Variants in MEPE observed in about 807,000 individuals in gnomAD.
MEPE encodes the protein matrix, extracellular phosphoglycoprotein with ASARM motif (bone).
In MEPE, 7 loss-of-function variants were observed where a neutral mutation model predicts 7.3. The observed-to-expected ratio is 0.95, with a 90% confidence interval of 0.54 to 1.79. The LOEUF (loss-of-function observed/expected upper bound fraction) is 1.79. Ranked by LOEUF, MEPE falls within the 40% of genes most tolerant of loss-of-function variation. The pLI is 0.00. For synonymous variants in MEPE, 214 were observed against 213.1 expected (o/e 1.00, Z -0.04); for missense variants, 623 against 628.2 (o/e 0.99, Z 0.09).
chr4:87,824,099 T>G (rs1234160890), intron 1 of MEPE, among the ~76,000 whole-genome samples: 1 of 152,206 alleles, frequency 6.6e-6, no homozygotes, highest in Non-Finnish European at 1.5e-5. Context: ...TCATCTTATC[T>G]CTTTTTAAAA....
chr4:87,845,940 G>A lies in MEPE; in HGVS notation c.1072G>A (p.Val358Met), dbSNP rs754794918. ...GCTCCCTGGAAGAGAAGGAAACAGA[G>A]TGGATGCTGGCAGCCAAAATGCTCA... ...KELPGREGNR[V>M]DAGSQNAHQG... Residue 358 changes from valine (V) to methionine (M), a missense_variant, in exon 4 of 4, where the codon GTG (valine) becomes ATG (methionine). Transcript: ENST00000361056. The A allele has an allele frequency of 6.2e-7, 1 of 1,614,020 alleles. No homozygotes were observed. The highest frequency in any genetic ancestry group is 1.1e-5 in the South Asian group (1 of 91,076).
At chr4:87,839,939 T>G (rs1722951443) in intron 3 of MEPE, 1 of 1,535,878 alleles carries the variant, frequency 6.5e-7, no homozygotes. Context: ...TCCTCAAGCC[T>G]CTCTACTACA....
chr4:87,845,041 T>TATC lies in MEPE; in HGVS notation c.177_179dup (p.Ser60dup), dbSNP rs766881729. 8.7e-6 allele frequency: 14 copies of TATC among 1,611,248 alleles called. No homozygotes were observed. Among genetic ancestry groups the TATC allele is most frequent in the Middle Eastern group, 1.7e-4 (1 of 6,038 alleles). On this transcript the variant is annotated inframe_insertion, in exon 4 of 4. Transcript: ENST00000361056. The stretch of plus-strand genomic sequence containing the variant: ...TTGGGCAAGAGAATAAATCAAGAGC[T>TATC]ATCATCTAAAGAAAATATTGTCCAG...
chr4:87,845,383 C>T lies in MEPE; in HGVS notation c.515C>T (p.Thr172Ile). The T allele has an allele frequency of 1.2e-6, 2 of 1,613,962 alleles. No individual in the cohort carries two copies. The highest frequency in any genetic ancestry group is 1.1e-5 in the South Asian group (1 of 91,066). ...CTGGGGGAAGAAAACAAAGAGAACA[C>T]ACCTAGGAATGTTCTAAACATAATC... Reference protein sequence around the residue: ...KLLGEENKENTPRNVLNIIPA... With the variant: ...KLLGEENKENIPRNVLNIIPA... Residue 172 changes from threonine to isoleucine, a missense_variant, in exon 4 of 4, where the codon ACA (threonine) becomes ATA (isoleucine). Physicochemically the swap from Thr to Ile is moderately conservative, Grantham distance 89 (BLOSUM62 -1). Transcript: ENST00000361056.
At chr4:87,843,211 G>A (rs1487102264) in intron 3 of MEPE, among the ~76,000 whole-genome samples, 1 of 152,060 alleles carries the variant, frequency 6.6e-6, no homozygotes, top group Non-Finnish European at 1.5e-5. Flanking sequence ...TCTTACCACT[G>A]TTCCTCCTAA....
At chr4:87,843,482 C>T (rs1455117709) in intron 3 of MEPE, among the ~76,000 whole-genome samples, 1 of 152,128 alleles carries the variant, frequency 6.6e-6, no homozygotes, top group African/African-American at 2.4e-5. Context: ...CTAATTTCTT[C>T]CATGTTCCAA....
Position 87,846,185 on chromosome 4 carries a change from T to G in MEPE, c.1317T>G (p.Pro439=), listed in dbSNP as rs1256941425. Residue 439 remains proline (P), a synonymous_variant, in exon 4 of 4, where the codon CCT becomes CCG. Transcript: ENST00000361056. ...SKGKSQGLPI[P]SRGLDNEIKN... ...GCAAAAGTCAGGGCCTGCCCATTCCTTCTCGTGGTCTTGATAATGAAATCA... is the reference window on the plus strand; with the variant it reads ...GCAAAAGTCAGGGCCTGCCCATTCCGTCTCGTGGTCTTGATAATGAAATCA... 1 of 1,613,956 alleles carries G rather than the reference T, an allele frequency of 6.2e-7. No homozygotes were observed. Among genetic ancestry groups the G allele is most frequent in the Non-Finnish European group, 8.5e-7 (1 of 1,179,998 alleles).
Position 87,839,333 on chromosome 4 carries a change from T to C in MEPE, c.108+648T>C, listed in dbSNP as rs145815464. 6.5e-4 allele frequency among the ~76,000 whole-genome samples: 99 copies of C among 152,348 alleles called. No homozygotes were observed. The East Asian group carries it at 7.1e-3, about 11-fold the overall frequency. On this transcript the variant is annotated intron_variant, in intron 3 of 3. Transcript: ENST00000361056. The stretch of plus-strand genomic sequence containing the variant: ...AATTAGACATCAGACATGAATATTG[T>C]AAATCCTGTCTTTCTCCTGGTCCTC...
Position 87,841,174 on chromosome 4 carries a change from A to C in MEPE, c.108+2489A>C, listed in dbSNP as rs1372814110. Among the ~76,000 whole-genome samples, 7 of 152,296 alleles carry C rather than the reference A, an allele frequency of 4.6e-5. No individual in the cohort carries two copies. The East Asian group carries it at 7.7e-4, about 17-fold the overall frequency. On this transcript the variant is annotated intron_variant, in intron 3 of 3. Transcript: ENST00000361056. ...TAAAACATAACTTCCCACTTCAGAC[A>C]AGGGAGAGAAAAAATTAGGAAGAGA...
intron 1 of MEPE, among the ~76,000 whole-genome samples, chr4:87,824,599 C>T (rs1440500939): frequency 6.6e-6 from 1 of 152,244 alleles, no homozygotes; most frequent in Non-Finnish European, 1.5e-5. Flanking sequence ...ATTTGGCCCA[C>T]AGGCCATAGT....
At chr4:87,834,820 T>C (rs750476588) in intron 2 of MEPE, 52 bp downstream of exon 2, 26 of 1,485,382 alleles carry the variant, frequency 1.8e-5, no homozygotes, top group African/African-American at 2.8e-5. Flanking sequence ...GCTCTCTTCA[T>C]TTGTTTTTCT....
Position 87,838,808 on chromosome 4 carries a change from A to T in MEPE, c.108+123A>T, listed in dbSNP as rs150920278. The T allele has an allele frequency of 3.0e-4, 230 of 769,344 alleles. 2 individuals carry two copies. The East Asian group carries it at 5.0e-3, about 17-fold the overall frequency. 47.7% of individuals were successfully genotyped at this position (769,344 alleles called of 1,614,324 possible). On this transcript the variant is annotated intron_variant, in intron 3 of 3. Transcript: ENST00000361056. ...TTGAATGGAAGTGAAAAAATATACA[A>T]CATAATGTTGGCACTTTCTAGTCAA...
chr4:87,846,189 C>G lies in MEPE; in HGVS notation c.1321C>G (p.Arg441Gly). 1 of 1,613,976 alleles carries G rather than the reference C, an allele frequency of 6.2e-7. No individual in the cohort carries two copies. Among genetic ancestry groups the G allele is most frequent in the Non-Finnish European group, 8.5e-7 (1 of 1,179,978 alleles). The change falls in exon 4 of 4, where the codon CGT becomes GGT. Residue 441 changes from arginine to glycine, a missense_variant. Physicochemically the swap from Arg to Gly is moderately radical, Grantham distance 125. Coordinates refer to ENST00000361056, the MANE Select transcript of MEPE (RefSeq NM_020203.6). Reference protein sequence around the residue: ...GKSQGLPIPSRGLDNEIKNEM... With the variant: ...GKSQGLPIPSGGLDNEIKNEM... ...AAGTCAGGGCCTGCCCATTCCTTCT[C>G]GTGGTCTTGATAATGAAATCAAAAA...
At chr4:87,840,015 C>T in intron 3 of MEPE, 1 of 1,535,470 alleles carries the variant, frequency 6.5e-7, no homozygotes, top group East Asian at 2.4e-5. Context: ...CGCTCTGCTT[C>T]AGGACCTGTG....
At position 87,845,228 on chromosome 4, in the gene MEPE, A is replaced by C; in HGVS notation, c.360A>C (p.Ser120=). 6.2e-7 allele frequency: 1 copy of C among 1,614,058 alleles called. No homozygotes were observed. Among genetic ancestry groups the C allele is most frequent in the Non-Finnish European group, 8.5e-7 (1 of 1,179,960 alleles). Reference sequence around the variant, plus strand: ...TGAGGATGTCAATTTATCCTAAGTCAACTGGGAATAAAGGGTTTGAGGATG... The same window carrying C: ...TGAGGATGTCAATTTATCCTAAGTCCACTGGGAATAAAGGGTTTGAGGATG... ...NGLRMSIYPK[S]TGNKGFEDGD... The change falls in exon 4 of 4, where the codon TCA becomes TCC. Residue 120 remains serine, a synonymous_variant. Coordinates refer to ENST00000361056, the MANE Select transcript of MEPE (RefSeq NM_020203.6).
chr4:87,838,125 C>T (rs1256298294), intron 2 of MEPE, among the ~76,000 whole-genome samples: 2 of 152,128 alleles, frequency 1.3e-5, no homozygotes, highest in African/African-American at 4.8e-5. Context: ...TTCACATGAA[C>T]GGCTATGGTT....
At chr4:87,827,760 C>A (rs1252266395) in intron 1 of MEPE, among the ~76,000 whole-genome samples, 1 of 152,092 alleles carries the variant, frequency 6.6e-6, no homozygotes, top group African/African-American at 2.4e-5. Flanking sequence ...ATTATATTGA[C>A]ATGTCTTCTC....
At position 87,846,701 on chromosome 4, in the gene MEPE, G is replaced by A. The variant is rs574032295; in HGVS notation, c.*255G>A. The A allele has an allele frequency of 1.8e-5, 7 of 396,360 alleles. No individual in the cohort carries two copies. In the South Asian group the frequency reaches 2.0e-4, roughly 11 times the overall value. The allele number at this position is 396,360 out of a possible 1,614,324, so 24.6% of individuals were successfully genotyped here. A position where few individuals can be genotyped will look rare whatever the true frequency, so the allele number is the denominator to read the frequency against. On this transcript the variant is annotated 3_prime_UTR_variant, in exon 4 of 4. Transcript: ENST00000361056. Reference sequence around the variant, plus strand: ...TATGAAATAGGTAACATTTGAGTAGGTGTCATTTAAAAATAGTTGGTGAAT... The same window carrying A: ...TATGAAATAGGTAACATTTGAGTAGATGTCATTTAAAAATAGTTGGTGAAT...
rs1442183836 is a variant in MEPE at position 87,834,255 on chromosome 4, C to T, written c.-12-448C>T. Among the ~76,000 whole-genome samples the T allele has an allele frequency of 2.0e-5, 3 of 152,156 alleles. No homozygotes were observed. In the East Asian group the frequency reaches 5.8e-4, roughly 29 times the overall value. ...GAACATGAGACACAGATTAGGGCAC[C>T]AGCCCGGAGGCAGATAAGCTTTCCT... On this transcript the variant is annotated intron_variant, in intron 1 of 3. Transcript: ENST00000361056.
Sources: gnomAD v4.1 joint callset for allele counts (sites outside exome capture counted in the v4.1 genomes callset) on GRCh38, gnomAD v4.1.1 for gene constraint, MANE v1.5 for transcripts, NCBI Gene and HGNC (gene_info 2026-07-23, HGNC 2026-07-21) for gene names.